MYRIP: variants seen among roughly 807,000 people sequenced by gnomAD.
The protein encoded by MYRIP is rab effector MyRIP.
In MYRIP, 49 loss-of-function variants were observed where a neutral mutation model predicts 98.0. The ratio of observed to expected loss-of-function variants is 0.50; its 90% CI spans 0.40 to 0.63. The LOEUF (loss-of-function observed/expected upper bound fraction) is 0.63, where lower values mean the gene tolerates loss of function less well. Among genes scored for constraint, MYRIP ranks in the 30% least tolerant of loss-of-function variants. The probability of loss-of-function intolerance (pLI) is 0.00; values close to 1 mark genes in which losing one functional copy is unlikely to be tolerated. For missense variants in MYRIP, 1,004 were observed against 1,058.2 expected (o/e 0.95, Z 0.71); for synonymous variants, 404 against 409.5 (o/e 0.99, Z 0.16).
chr3:40,128,809 A>C (rs900916041), intron 3 of MYRIP, among the ~76,000 whole-genome samples: 1 of 152,206 alleles, frequency 6.6e-6, no homozygotes, highest in African/African-American at 2.4e-5. Context: ...TAAATTGGTC[A>C]TGGATTTTAA....
At chr3:40,019,499 TACATGCCTATTG>T (rs1181346270) in intron 2 of MYRIP, among the ~76,000 whole-genome samples, 1 of 152,196 alleles carries the variant, frequency 6.6e-6, no homozygotes, top group African/African-American at 2.4e-5. Flanking sequence ...GCTGCCTCCT[TACATGCCTATTG>T]ACATGCCTGT....
intron 2 of MYRIP, among the ~76,000 whole-genome samples, chr3:40,043,653 G>T (rs554514820): frequency 1.3e-5 from 2 of 152,282 alleles, no homozygotes; most frequent in East Asian, 3.9e-4. Flanking sequence ...CATATTCCCA[G>T]CTGGGCTGTG....
intron 1 of MYRIP, among the ~76,000 whole-genome samples, chr3:39,876,708 T>A (rs896984299): frequency 2.6e-5 from 4 of 152,122 alleles, no homozygotes; most frequent in African/African-American, 9.7e-5. Flanking sequence ...TGCCGAGAGA[T>A]CTGCTGTTAG....
At chr3:40,190,527 G>C (rs959487283) in intron 10 of MYRIP, 64 bp downstream of exon 10, 2 of 1,511,282 alleles carry the variant, frequency 1.3e-6, no homozygotes, top group Non-Finnish European at 1.8e-6. Context: ...CCTACTCCAA[G>C]CACAAGTGGC....
intron 1 of MYRIP, among the ~76,000 whole-genome samples, chr3:39,878,332 A>T (rs1361197831): frequency 6.6e-6 from 1 of 152,118 alleles, no homozygotes; most frequent in Non-Finnish European, 1.5e-5. Context: ...CTTCAGCTCG[A>T]GCACAGTGCG....
At chr3:39,970,754 G>T (rs1224255455) in intron 2 of MYRIP, among the ~76,000 whole-genome samples, 2 of 151,958 alleles carry the variant, frequency 1.3e-5, no homozygotes, top group Non-Finnish European at 2.9e-5. Flanking sequence ...TGTATTAGGT[G>T]GATAATAACA....
intron 2 of MYRIP, among the ~76,000 whole-genome samples, chr3:39,954,058 G>A (rs2125721571): frequency 6.6e-6 from 1 of 152,282 alleles, no homozygotes; most frequent in East Asian, 1.9e-4. Flanking sequence ...AGTCCTATCT[G>A]CCTCTATAGA....
intron 3 of MYRIP, among the ~76,000 whole-genome samples, chr3:40,083,169 T>C (rs1948518052): frequency 6.6e-6 from 1 of 152,226 alleles, no homozygotes; most frequent in Admixed American, 6.5e-5. Flanking sequence ...CATAATTCTA[T>C]GTCTGTGGGG....
chr3:39,946,364 T>G (rs1301592948), intron 2 of MYRIP, among the ~76,000 whole-genome samples: 5 of 152,272 alleles, frequency 3.3e-5, no homozygotes, highest in Non-Finnish European at 5.9e-5. Flanking sequence ...GGTGTATGCA[T>G]CTTACATAAT....
chr3:39,904,880 G>T (rs1376640137), intron 2 of MYRIP, among the ~76,000 whole-genome samples: 1 of 152,140 alleles, frequency 6.6e-6, no homozygotes, highest in Non-Finnish European at 1.5e-5. Context: ...TGTCATTAAA[G>T]CTATATGTTT....
chr3:39,818,420 A>G (rs1181168345), intron 1 of MYRIP, among the ~76,000 whole-genome samples: 1 of 152,160 alleles, frequency 6.6e-6, no homozygotes, highest in Non-Finnish European at 1.5e-5. Context: ...ATGTATCTGC[A>G]TATTTATTGG....
In MYRIP at chr3:40,151,130, A is replaced by G; in HGVS notation, c.415A>G (p.Lys139Glu). 6.2e-7 allele frequency: 1 copy of G among 1,611,514 alleles called. No homozygotes were observed. Among genetic ancestry groups the G allele is most frequent in the South Asian group, 1.1e-5 (1 of 90,542 alleles). The change falls in exon 4 of 17, where the codon AAG becomes GAG. Residue 139 changes from lysine to glutamate, a missense_variant. Coordinates refer to ENST00000302541, the MANE Select transcript of MYRIP (RefSeq NM_015460.4). ...FKRFGSAKVL[K>E]NLYRKHRLES... The stretch of plus-strand genomic sequence containing the variant: ...GCGCTTTGGCAGTGCCAAGGTTCTG[A>G]AGAACCTGTACAGGAAGCACCGGCT...
At chr3:40,230,952 A>G (rs1437731403) in intron 11 of MYRIP, among the ~76,000 whole-genome samples, 1 of 151,856 alleles carries the variant, frequency 6.6e-6, no homozygotes, top group Non-Finnish European at 1.5e-5. Context: ...CAGCCTCCCA[A>G]GTAGCTGGGA....
intron 10 of MYRIP, among the ~76,000 whole-genome samples, chr3:40,202,926 T>C (rs1189262478): frequency 1.3e-5 from 2 of 151,436 alleles, no homozygotes; most frequent in African/African-American, 2.4e-5. Context: ...TATTTATTTA[T>C]TTATTTATTT....
chr3:39,998,027 C>T (rs554473746), intron 2 of MYRIP, among the ~76,000 whole-genome samples: 31 of 152,204 alleles, frequency 2.0e-4, no homozygotes, highest in African/African-American at 6.7e-4. Context: ...ATTGATGGGA[C>T]GTATCTCAAA....
chr3:39,852,499 A>T (rs1942158498), intron 1 of MYRIP, among the ~76,000 whole-genome samples: 1 of 152,134 alleles, frequency 6.6e-6, no homozygotes, highest in African/African-American at 2.4e-5. Flanking sequence ...TGAGCAGTGT[A>T]CACTGTACTG....
chr3:39,856,816 TC>T (rs1204027796), intron 1 of MYRIP, among the ~76,000 whole-genome samples: 1 of 151,986 alleles, frequency 6.6e-6, no homozygotes, highest in African/African-American at 2.4e-5. Context: ...GATAATTAAC[TC>T]CCCGATATGC....
intron 2 of MYRIP, among the ~76,000 whole-genome samples, chr3:40,002,872 C>T (rs1001897103): frequency 4.6e-5 from 7 of 151,876 alleles, no homozygotes; most frequent in Admixed American, 2.0e-4. Flanking sequence ...ATATAAGTGT[C>T]TATATATCTC....
chr3:39,873,155 C>T (rs1942858335), intron 1 of MYRIP, among the ~76,000 whole-genome samples: 1 of 152,088 alleles, frequency 6.6e-6, no homozygotes, highest in Admixed American at 6.6e-5. Flanking sequence ...AGTGTCTGTT[C>T]ATGTCTTTTG....
Sources: gnomAD v4.1 joint callset for allele counts (sites outside exome capture counted in the v4.1 genomes callset) on GRCh38, gnomAD v4.1.1 for gene constraint, MANE v1.5 for transcripts, NCBI Gene and HGNC (gene_info 2026-07-23, HGNC 2026-07-21) for gene names.